HDAC9: variants seen among roughly 807,000 people sequenced by gnomAD.
The protein encoded by HDAC9 is MEF-2 interacting transcription repressor (MITR) protein.
In HDAC9, 41 loss-of-function variants were observed where a neutral mutation model predicts 139.4. The observed-to-expected ratio is 0.29, with a 90% confidence interval of 0.23 to 0.38. The LOEUF (loss-of-function observed/expected upper bound fraction) is 0.38, where lower values mean the gene tolerates loss of function less well. HDAC9 is among the 10% of genes least tolerant of loss of function. HDAC9 has a pLI of 1.00. For missense variants in HDAC9, 1,147 were observed against 1,297.0 expected, an observed-to-expected ratio of 0.88 and a Z score of 1.78; for synonymous variants, 517 against 476.2, an observed-to-expected ratio of 1.09 and a Z score of -1.12.
chr7:18,225,702 T>A (rs1249744245), intron 2 of HDAC9, among the ~76,000 whole-genome samples: 1 of 152,074 alleles, frequency 6.6e-6, no homozygotes, highest in Non-Finnish European at 1.5e-5. Context: ...GAGAAAAAAT[T>A]CACTGACAGG....
At chr7:18,308,856 A>G (rs1414017195) in intron 1 of HDAC9, among the ~76,000 whole-genome samples, 1 of 152,210 alleles carries the variant, frequency 6.6e-6, no homozygotes, top group African/African-American at 2.4e-5. Context: ...ACAGGAAGAT[A>G]GGGTTTGTTG....
intron 1 of HDAC9, among the ~76,000 whole-genome samples, chr7:18,161,254 G>A (rs148681626): frequency 6.5e-4 from 99 of 152,230 alleles, no homozygotes; most frequent in African/African-American, 2.1e-3. Flanking sequence ...GGTATTCTTG[G>A]TGATGTTATA....
intron 22 of HDAC9, among the ~76,000 whole-genome samples, chr7:18,875,193 T>C (rs1585200847): frequency 6.6e-6 from 1 of 152,234 alleles, no homozygotes; most frequent in African/African-American, 2.4e-5. Context: ...ATTTGAATAA[T>C]ACAACCTAAT....
At chr7:18,646,950 A>AT (rs1787612874) in intron 9 of HDAC9, among the ~76,000 whole-genome samples, 1 of 152,188 alleles carries the variant, frequency 6.6e-6, no homozygotes, top group Non-Finnish European at 1.5e-5. Flanking sequence ...ATGAATTAAT[A>AT]TAAAATGTTT....
Position 18,788,027 on chromosome 7 carries a change from G to C in HDAC9, c.2215-5318G>C, listed in dbSNP as rs541118196. Reference sequence around the variant, plus strand: ...CCTGAGGGAGGGATGGAGAGCTGAAGGGGTACCTGGATCCTCCTGCTGTCC... The same window carrying C: ...CCTGAGGGAGGGATGGAGAGCTGAACGGGTACCTGGATCCTCCTGCTGTCC... On this transcript the variant is annotated intron_variant, in intron 16 of 25. Coordinates refer to ENST00000686413, the MANE Select transcript of HDAC9 (RefSeq NM_178425.4). Among the ~76,000 whole-genome samples the C allele has an allele frequency of 8.5e-5, 13 of 152,266 alleles. No homozygotes were observed. In the East Asian group the frequency reaches 2.5e-3, roughly 29 times the overall value.
chr7:18,313,634 A>C (rs1205951115), intron 1 of HDAC9, among the ~76,000 whole-genome samples: 1 of 152,196 alleles, frequency 6.6e-6, no homozygotes, highest in Non-Finnish European at 1.5e-5. Flanking sequence ...TGCTTTTATA[A>C]TGTGTGATGT....
chr7:18,635,720 A>G (rs1783682499), intron 8 of HDAC9, among the ~76,000 whole-genome samples: 1 of 151,988 alleles, frequency 6.6e-6, no homozygotes, highest in African/African-American at 2.4e-5. Flanking sequence ...CTTTTGTTAT[A>G]TTTTATAGAG....
chr7:18,524,970 A>G (rs1351270611), intron 2 of HDAC9, among the ~76,000 whole-genome samples: 1 of 152,144 alleles, frequency 6.6e-6, no homozygotes, highest in Admixed American at 6.6e-5. Context: ...TAAATGTAGT[A>G]TAATGATTTT....
chr7:18,429,876 T>C (rs913773094), intron 1 of HDAC9, among the ~76,000 whole-genome samples: 2 of 152,232 alleles, frequency 1.3e-5, no homozygotes, highest in African/African-American at 4.8e-5. Context: ...TTGATTGAAA[T>C]ACTAAAGCAA....
chr7:18,772,238 C>G (rs1253437114), intron 16 of HDAC9, among the ~76,000 whole-genome samples: 1 of 152,014 alleles, frequency 6.6e-6, no homozygotes, highest in African/African-American at 2.4e-5. Flanking sequence ...GGGAGGCAGC[C>G]AGGCATTGAC....
chr7:18,088,223 A>G (rs1244568921), intron 1 of HDAC9, among the ~76,000 whole-genome samples: 2 of 152,178 alleles, frequency 1.3e-5, no homozygotes, highest in African/African-American at 2.4e-5. Context: ...GTGTGTGTAA[A>G]ATATGGGAAA....
At chr7:18,873,946 C>G (rs987642197) in intron 21 of HDAC9, among the ~76,000 whole-genome samples, 1 of 151,796 alleles carries the variant, frequency 6.6e-6, no homozygotes, top group African/African-American at 2.4e-5. Flanking sequence ...ATTAAGGGAA[C>G]TTTGTGTTTC....
chr7:18,749,668 G>A (rs1788279004), intron 14 of HDAC9, among the ~76,000 whole-genome samples: 1 of 152,042 alleles, frequency 6.6e-6, no homozygotes, highest in Middle Eastern at 3.2e-3. Flanking sequence ...ATTTCAGTAG[G>A]CGCTTGGTGA....
intron 22 of HDAC9, among the ~76,000 whole-genome samples, chr7:18,886,063 C>G (rs1186278679): frequency 1.3e-5 from 2 of 152,158 alleles, no homozygotes; most frequent in East Asian, 3.9e-4. Context: ...ATTAAGAAGG[C>G]AAACCTGTCA....
chr7:18,517,032 C>A (rs62446981), intron 2 of HDAC9, among the ~76,000 whole-genome samples: 3 of 152,078 alleles, frequency 2.0e-5, no homozygotes, highest in Non-Finnish European at 4.4e-5. Flanking sequence ...ACCACCATCA[C>A]CCCAATTCAG....
intron 2 of HDAC9, among the ~76,000 whole-genome samples, chr7:18,193,792 C>T (rs561443606): frequency 6.6e-6 from 1 of 152,074 alleles, no homozygotes; most frequent in African/African-American, 2.4e-5. Flanking sequence ...CCAAGGGGGC[C>T]GACTTGCCAC....
At chr7:18,491,095 A>G (rs192387161), upstream of HDAC9, among the ~76,000 whole-genome samples, 80 of 152,054 alleles carry the variant, frequency 5.3e-4, 1 homozygote, top group African/African-American at 1.8e-3. Context: ...CCAGTTATCA[A>G]CTGAGATTGA....
At chr7:18,954,071 A>G (rs1782983323) in intron 23 of HDAC9, 75 bp from the exon 24 acceptor site, 3 of 969,828 alleles carry the variant, frequency 3.1e-6, no homozygotes, top group Non-Finnish European at 3.1e-6. Flanking sequence ...AGGTTGTTTC[A>G]GTTTGCTTTG....
At chr7:18,474,529 A>G (rs1160780335) in intron 1 of HDAC9, among the ~76,000 whole-genome samples, 2 of 152,214 alleles carry the variant, frequency 1.3e-5, no homozygotes, top group African/African-American at 4.8e-5. Flanking sequence ...TTATCTTTGA[A>G]CTATAGTTTT....
Sources: allele counts gnomAD v4.1 joint callset (sites outside exome capture counted in the v4.1 genomes callset), GRCh38; gene constraint gnomAD v4.1.1; transcripts MANE v1.5; gene names NCBI Gene and HGNC (gene_info 2026-07-23, HGNC 2026-07-21).